The following GSE1 variants were observed in gnomAD, a reference collection of about 807,000 sequenced individuals.
GSE1 encodes the protein Gse1 coiled-coil protein, also known as genetic suppressor element 1.
GSE1 carries 32 observed loss-of-function variants against 112.6 expected under a neutral mutation model. The ratio of observed to expected loss-of-function variants is 0.28; its 90% confidence interval spans 0.21 to 0.38. The LOEUF (loss-of-function observed/expected upper bound fraction) is 0.38. Ranked by LOEUF, GSE1 falls within the 10% of genes least tolerant of loss-of-function variation. The pLI, the probability that GSE1 is intolerant of heterozygous loss-of-function variation, is 1.00. For synonymous variants in GSE1, 1,115 were observed against 735.6 expected (o/e 1.52, Z -8.35); for missense variants, 2,348 against 1,699.2 (o/e 1.38, Z -6.71).
intron 2 of GSE1, among the ~76,000 whole-genome samples, chr16:85,510,659 T>A (rs2051711922): frequency 6.6e-6 from 1 of 152,254 alleles, no homozygotes; most frequent in Admixed American, 6.5e-5. Context: ...TGCACGTAGC[T>A]TTGGCCTTGT....
chr16:85,547,955 A>G (rs760411705), intron 2 of GSE1, among the ~76,000 whole-genome samples: 7 of 146,324 alleles, frequency 4.8e-5, no homozygotes, highest in South Asian at 2.2e-4. Context: ...AGGCCGGGCG[A>G]GGTGGCTCAT....
chr16:85,548,958 T>G (rs781001669), intron 2 of GSE1, among the ~76,000 whole-genome samples: 9 of 151,944 alleles, frequency 5.9e-5, no homozygotes, highest in Non-Finnish European at 1.0e-4. Flanking sequence ...TCCAGCTAAT[T>G]TTTATATTTT....
chr16:85,615,594 C>G (rs2048323823), intron 1 of GSE1, among the ~76,000 whole-genome samples: 1 of 152,154 alleles, frequency 6.6e-6, no homozygotes, highest in African/African-American at 2.4e-5. Flanking sequence ...CTAGGGTCAG[C>G]CCTGCCTTGG....
At chr16:85,435,570 G>T (rs1196767122) in intron 2 of GSE1, among the ~76,000 whole-genome samples, 6 of 152,188 alleles carry the variant, frequency 3.9e-5, no homozygotes, top group Admixed American at 2.6e-4. Flanking sequence ...GAGGGGAGGG[G>T]TCTGTTGCTT....
chr16:85,264,140 C>T (rs997182241), intron 1 of GSE1, among the ~76,000 whole-genome samples: 1 of 152,096 alleles, frequency 6.6e-6, no homozygotes, highest in Non-Finnish European at 1.5e-5. Flanking sequence ...TTATGGGGCA[C>T]AACCTGTTGT....
chr16:85,569,682 C>T (rs1000297349), intron 1 of GSE1, among the ~76,000 whole-genome samples: 10 of 152,186 alleles, frequency 6.6e-5, no homozygotes, highest in Admixed American at 2.6e-4. Context: ...CCAGCACACA[C>T]GGGTATATGC....
At chr16:85,626,312 G>T (rs1419980718) in intron 1 of GSE1, among the ~76,000 whole-genome samples, 1 of 152,164 alleles carries the variant, frequency 6.6e-6, no homozygotes, top group Non-Finnish European at 1.5e-5. Flanking sequence ...TCATGAAGCC[G>T]CCCAGGCTCC....
chr16:85,233,175 T>C (rs1056876234), intron 1 of GSE1, among the ~76,000 whole-genome samples: 5 of 152,274 alleles, frequency 3.3e-5, no homozygotes, highest in Admixed American at 1.3e-4. Flanking sequence ...CCCCTTGCTG[T>C]TTCCCTCGTG....
intron 2 of GSE1, among the ~76,000 whole-genome samples, chr16:85,539,218 C>T (rs552957749): frequency 3.3e-5 from 5 of 152,370 alleles, no homozygotes; most frequent in Non-Finnish European, 7.3e-5. Flanking sequence ...TGCAAAAAGC[C>T]TGGATCTCTC....
intron 1 of GSE1, among the ~76,000 whole-genome samples, chr16:85,228,525 G>A (rs1446422880): frequency 6.6e-6 from 1 of 152,210 alleles, no homozygotes; most frequent in Non-Finnish European, 1.5e-5. Flanking sequence ...CAGCCCTAGT[G>A]TGCTTTCCTA....
intron 2 of GSE1, among the ~76,000 whole-genome samples, chr16:85,413,904 G>T (rs1221186327): frequency 6.6e-6 from 1 of 152,138 alleles, no homozygotes; most frequent in Non-Finnish European, 1.5e-5. Context: ...AGATCTGATG[G>T]TTTTATAACA....
At chr16:85,600,132 G>A (rs538368637) in intron 1 of GSE1, among the ~76,000 whole-genome samples, 4 of 152,204 alleles carry the variant, frequency 2.6e-5, no homozygotes, top group Non-Finnish European at 4.4e-5. Context: ...TTCCAGGCCC[G>A]CTCCATCCAC....
At chr16:85,323,118 G>C (rs566131594) in intron 1 of GSE1, among the ~76,000 whole-genome samples, 3 of 152,312 alleles carry the variant, frequency 2.0e-5, no homozygotes, top group African/African-American at 4.8e-5. Flanking sequence ...TTTGTGGTTC[G>C]TGGTGGAGAC....
chr16:85,580,094 G>C (rs1413870329), intron 1 of GSE1: 1 of 152,280 alleles, frequency 6.6e-6, no homozygotes, highest in African/African-American at 2.4e-5. Context: ...GGGACAACCA[G>C]AGAGGGCCTC....
chr16:85,495,061 G>A (rs2051128173), intron 2 of GSE1, among the ~76,000 whole-genome samples: 2 of 152,342 alleles, frequency 1.3e-5, no homozygotes, highest in East Asian at 3.9e-4. Flanking sequence ...CCTTCCTATG[G>A]GCTATGATCA....
chr16:85,587,213 C>T (rs1349391455), intron 1 of GSE1, among the ~76,000 whole-genome samples: 6 of 151,724 alleles, frequency 4.0e-5, no homozygotes, highest in Admixed American at 3.3e-4. Flanking sequence ...AGGGCCCGGC[C>T]GTGGAAGATG....
upstream of GSE1, among the ~76,000 whole-genome samples, chr16:85,608,186 G>T (rs2047796048): frequency 6.6e-6 from 1 of 152,194 alleles, no homozygotes; most frequent in African/African-American, 2.4e-5. Flanking sequence ...AAAGAGGAGG[G>T]TGGAATCTAA....
chr16:85,415,494 C>A (rs1201637920), intron 2 of GSE1, among the ~76,000 whole-genome samples: 1 of 152,198 alleles, frequency 6.6e-6, no homozygotes, highest in Non-Finnish European at 1.5e-5. Context: ...CAAACCGGGT[C>A]CTCACCCTGA....
chr16:85,518,364 G>A (rs778935379), intron 2 of GSE1, among the ~76,000 whole-genome samples: 7 of 152,290 alleles, frequency 4.6e-5, no homozygotes, highest in East Asian at 1.9e-4. Flanking sequence ...TGCCCTGACC[G>A]CGTGGCCGGA....
Sources: gnomAD v4.1 joint callset for allele counts (sites outside exome capture counted in the v4.1 genomes callset) on GRCh38, gnomAD v4.1.1 for gene constraint, MANE v1.5 for transcripts, NCBI Gene and HGNC (gene_info 2026-07-23, HGNC 2026-07-21) for gene names.